GABRG3: variants seen among roughly 807,000 people sequenced by gnomAD.
GABRG3 encodes the protein gamma-aminobutyric acid type A receptor subunit gamma3, also known as gamma-aminobutyric acid receptor subunit gamma-3.
In GABRG3, 25 loss-of-function variants were observed where a neutral mutation model predicts 48.8. The ratio of observed to expected loss-of-function variants is 0.51; its 90% CI spans 0.37 to 0.72. GABRG3 has a LOEUF of 0.72. GABRG3 is among the 30% of genes least tolerant of loss of function. The pLI is 0.00. For missense variants in GABRG3, 394 were observed against 577.9 expected (o/e 0.68, Z 3.26); for synonymous variants, 227 against 217.6 (o/e 1.04, Z -0.38).
chr15:27,020,983 C>T (rs918010241), intron 2 of GABRG3, among the ~76,000 whole-genome samples: 1 of 152,048 alleles, frequency 6.6e-6, no homozygotes, highest in African/African-American at 2.4e-5. Flanking sequence ...GCTAGGTAAT[C>T]GGTAAGGTGA....
intron 5 of GABRG3, chr15:27,364,396 A>G (rs1451076961): frequency 6.6e-6 from 1 of 152,456 alleles, no homozygotes; most frequent in Non-Finnish European, 1.5e-5. Context: ...AATGATGGGC[A>G]CTCTTATGTT....
intron 5 of GABRG3, among the ~76,000 whole-genome samples, chr15:27,465,797 TA>T (rs1889589670): frequency 6.6e-6 from 1 of 152,198 alleles, no homozygotes. Flanking sequence ...CAAGGATACA[TA>T]CAGTTATATA....
At chr15:26,993,785 G>C (rs1470037052) in intron 2 of GABRG3, among the ~76,000 whole-genome samples, 1 of 152,000 alleles carries the variant, frequency 6.6e-6, no homozygotes, top group Non-Finnish European at 1.5e-5. Flanking sequence ...TCTTTCAAGT[G>C]TTGAAAGTGG....
intron 2 of GABRG3, among the ~76,000 whole-genome samples, chr15:27,004,279 C>A (rs1895534984): frequency 6.6e-6 from 1 of 151,762 alleles, no homozygotes; most frequent in Admixed American, 6.6e-5. Flanking sequence ...GACGGGGCGG[C>A]CGGGCAGAGA....
intron 3 of GABRG3, among the ~76,000 whole-genome samples, chr15:27,313,414 A>G (rs578040964): frequency 6.7e-6 from 1 of 149,404 alleles, no homozygotes; most frequent in African/African-American, 2.5e-5. Flanking sequence ...CCCCACTTTC[A>G]ATACTGGATA....
intron 3 of GABRG3, among the ~76,000 whole-genome samples, chr15:27,050,544 A>G (rs1220935956): frequency 6.6e-6 from 1 of 152,150 alleles, no homozygotes; most frequent in Non-Finnish European, 1.5e-5. Context: ...GGGTTTTACT[A>G]CCAGTAAAGC....
At chr15:27,389,702 G>A (rs530999143) in intron 5 of GABRG3, among the ~76,000 whole-genome samples, 12 of 152,294 alleles carry the variant, frequency 7.9e-5, no homozygotes, top group African/African-American at 2.6e-4. Flanking sequence ...CTCAGAGCAC[G>A]TAATTCAAAT....
At chr15:27,215,467 C>T (rs899109586) in intron 3 of GABRG3, among the ~76,000 whole-genome samples, 3 of 152,176 alleles carry the variant, frequency 2.0e-5, no homozygotes, top group Non-Finnish European at 2.9e-5. Flanking sequence ...CTATGCTACC[C>T]TGCAGTTACA....
chr15:27,112,200 G>A (rs758142395), intron 3 of GABRG3, among the ~76,000 whole-genome samples: 2 of 152,084 alleles, frequency 1.3e-5, no homozygotes, highest in African/African-American at 4.8e-5. Flanking sequence ...TCTTTGCAGT[G>A]TCTCTCAGGA....
chr15:27,052,340 G>T (rs1484936579), intron 3 of GABRG3, among the ~76,000 whole-genome samples: 1 of 152,208 alleles, frequency 6.6e-6, no homozygotes, highest in African/African-American at 2.4e-5. Flanking sequence ...ATCAGAGAAA[G>T]GACTCAGCCC....
chr15:27,343,478 A>G (rs1894260437), intron 5 of GABRG3, among the ~76,000 whole-genome samples: 1 of 152,250 alleles, frequency 6.6e-6, no homozygotes, highest in South Asian at 2.1e-4. Flanking sequence ...AATATTTTCA[A>G]AAAAGTTTGG....
At chr15:27,515,656 A>G (rs1268935583) in intron 6 of GABRG3, among the ~76,000 whole-genome samples, 1 of 152,152 alleles carries the variant, frequency 6.6e-6, no homozygotes, top group Non-Finnish European at 1.5e-5. Flanking sequence ...GGGAAATAAC[A>G]ACGTTTAAAG....
chr15:27,214,322 C>T (rs1332776820), intron 3 of GABRG3, among the ~76,000 whole-genome samples: 2 of 152,200 alleles, frequency 1.3e-5, no homozygotes, highest in Non-Finnish European at 2.9e-5. Context: ...CATGAGATGC[C>T]GACAAGGCCC....
chr15:27,133,689 A>G (rs1897960290), intron 3 of GABRG3, among the ~76,000 whole-genome samples: 1 of 152,198 alleles, frequency 6.6e-6, no homozygotes, highest in Non-Finnish European at 1.5e-5. Flanking sequence ...ATGACAATGA[A>G]GTTTTTCTTG....
intron 3 of GABRG3, among the ~76,000 whole-genome samples, chr15:27,206,974 A>T (rs1888875426): frequency 1.3e-5 from 2 of 152,162 alleles, no homozygotes; most frequent in Admixed American, 1.3e-4. Flanking sequence ...TGAAGATAGC[A>T]TACAATTGGC....
At chr15:27,031,047 C>T (rs1008959041) in intron 3 of GABRG3, among the ~76,000 whole-genome samples, 1 of 133,962 alleles carries the variant, frequency 7.5e-6, no homozygotes, top group Non-Finnish European at 1.6e-5. Flanking sequence ...TATATATTTT[C>T]CTCTACACAC....
chr15:27,318,058 C>T (rs62001309), intron 3 of GABRG3, among the ~76,000 whole-genome samples: 1 of 151,888 alleles, frequency 6.6e-6, no homozygotes, highest in African/African-American at 2.4e-5. Context: ...GCTCCTGTAA[C>T]GCAGCTGCTA....
At chr15:27,064,970 T>A (rs1039812047) in intron 3 of GABRG3, among the ~76,000 whole-genome samples, 1 of 152,182 alleles carries the variant, frequency 6.6e-6, no homozygotes, top group Non-Finnish European at 1.5e-5. Flanking sequence ...TTTTAGTCAG[T>A]TAAATTTTGT....
intron 2 of GABRG3, among the ~76,000 whole-genome samples, chr15:27,017,190 C>T (rs1895794229): frequency 1.3e-5 from 2 of 152,180 alleles, no homozygotes; most frequent in African/African-American, 4.8e-5. Flanking sequence ...CACCAGTCAG[C>T]ATGGCCAGAG....
Sources: allele counts gnomAD v4.1 joint callset (sites outside exome capture counted in the v4.1 genomes callset), GRCh38; gene constraint gnomAD v4.1.1; transcripts MANE v1.5; gene names NCBI Gene and HGNC (gene_info 2026-07-23, HGNC 2026-07-21).